Variants in GPC3 observed in about 807,000 individuals in gnomAD.
The protein encoded by GPC3 is glypican-3.
In GPC3, 3 loss-of-function variants were observed where a neutral mutation model predicts 34.4. That is an observed-to-expected ratio of 0.09 (90% CI 0.04 to 0.23). The LOEUF (loss-of-function observed/expected upper bound fraction) is 0.23. Among genes scored for constraint, GPC3 ranks in the 10% least tolerant of loss-of-function variants. The pLI, the probability that GPC3 is intolerant of heterozygous loss-of-function variation, is 1.00. For missense variants in GPC3, 351 were observed against 445.6 expected, an observed-to-expected ratio of 0.79 and a Z score of 1.91; for synonymous variants, 177 against 174.0, an observed-to-expected ratio of 1.02 and a Z score of -0.13.
chrX:133,773,772 G>A (rs779235368), intron 2 of GPC3, among the ~76,000 whole-genome samples: 1 of 111,568 alleles, frequency 9.0e-6, no homozygotes, highest in African/African-American at 3.3e-5. Context: ...TCTCTGCTTT[G>A]ATGAGTAATT....
At chrX:133,569,896 GTT>G (rs11396937) in intron 7 of GPC3, among the ~76,000 whole-genome samples, 6,466 of 102,172 alleles carry the variant, frequency 0.063, 548 homozygotes, top group African/African-American at 0.22. Context: ...AAAAGAATGG[GTT>G]TTTTTTTTTT....
At chrX:133,709,141 T>C (rs2071244268) in intron 3 of GPC3, among the ~76,000 whole-genome samples, 1 of 112,223 alleles carries the variant, frequency 8.9e-6, no homozygotes, top group Non-Finnish European at 1.9e-5. Context: ...GTTATTATAA[T>C]GTCTCGAATT....
At chrX:133,678,264 C>A (rs2070904233) in intron 5 of GPC3, among the ~76,000 whole-genome samples, 1 of 111,993 alleles carries the variant, frequency 8.9e-6, no homozygotes, top group African/African-American at 3.2e-5. Flanking sequence ...AGCCACTTTA[C>A]TGTCTCAGTC....
chrX:133,584,929 C>CCAAAAAAAAAAAAAAA (rs2069771892), intron 7 of GPC3, among the ~76,000 whole-genome samples: 1 of 25,226 alleles, frequency 4.0e-5, no homozygotes, highest in Non-Finnish European at 1.3e-4. Flanking sequence ...TTATAAAAAG[C>CCAAAAAAAAAAAAAAA]CAAAAAAAAA....
At chrX:133,614,668 A>C (rs1399615749) in intron 6 of GPC3, among the ~76,000 whole-genome samples, 2 of 112,026 alleles carry the variant, frequency 1.8e-5, no homozygotes, top group Non-Finnish European at 3.8e-5. Context: ...AGGAAGAAAT[A>C]AAGTATATTA....
chrX:133,684,370 G>A (rs928296070), intron 5 of GPC3, among the ~76,000 whole-genome samples: 6 of 111,254 alleles, frequency 5.4e-5, no homozygotes, highest in Non-Finnish European at 9.4e-5. Flanking sequence ...TCCAATATAG[G>A]GGCAAAGGAA....
intron 3 of GPC3, among the ~76,000 whole-genome samples, chrX:133,733,291 G>A (rs1256761951): frequency 9.1e-6 from 1 of 110,469 alleles, no homozygotes; most frequent in Non-Finnish European, 1.9e-5. Flanking sequence ...TCAGAAGGGG[G>A]AGGGTGAAAG....
intron 2 of GPC3, among the ~76,000 whole-genome samples, chrX:133,771,272 A>G (rs928009253): frequency 1.8e-5 from 2 of 112,991 alleles, no homozygotes; most frequent in African/African-American, 6.4e-5. Flanking sequence ...AAAATGGTCC[A>G]TTGCTGTAAT....
chrX:133,837,754 A>T (rs1476386129), intron 2 of GPC3, among the ~76,000 whole-genome samples: 1 of 111,891 alleles, frequency 8.9e-6, no homozygotes, highest in African/African-American at 3.2e-5. Context: ...TCTCAGACCA[A>T]ATACCAAGAA....
At chrX:133,604,724 C>A (rs909848533) in intron 6 of GPC3, among the ~76,000 whole-genome samples, 3 of 111,927 alleles carry the variant, frequency 2.7e-5, no homozygotes, top group African/African-American at 9.7e-5. Flanking sequence ...TGGCTACTCA[C>A]ATACTTTCTG....
chrX:133,767,727 A>G (rs2071864786), intron 2 of GPC3, among the ~76,000 whole-genome samples: 1 of 110,731 alleles, frequency 9.0e-6, no homozygotes, highest in Non-Finnish European at 1.9e-5. Context: ...ACAGGAAGGT[A>G]ACCACCACCA....
chrX:133,743,435 T>A (rs144198835), intron 3 of GPC3, among the ~76,000 whole-genome samples: 13 of 112,571 alleles, frequency 1.2e-4, no homozygotes, highest in South Asian at 7.3e-4. Context: ...AACAGTCAAG[T>A]TAGAAAACAT....
chrX:133,674,676 T>C (rs2070865557), intron 5 of GPC3, among the ~76,000 whole-genome samples: 1 of 111,566 alleles, frequency 9.0e-6, no homozygotes, highest in Non-Finnish European at 1.9e-5. Flanking sequence ...GTTTCCTGAG[T>C]GACCAGCTTT....
At chrX:133,881,729 G>A (rs1309746563) in intron 2 of GPC3, among the ~76,000 whole-genome samples, 1 of 112,012 alleles carries the variant, frequency 8.9e-6, no homozygotes, top group East Asian at 2.8e-4. Flanking sequence ...GGGACAATAT[G>A]CTGTAAACTC....
intron 7 of GPC3, among the ~76,000 whole-genome samples, chrX:133,590,937 G>A (rs1481433907): frequency 8.9e-6 from 1 of 111,922 alleles, no homozygotes; most frequent in African/African-American, 3.3e-5. Context: ...AGACTTGTGT[G>A]TACACTCCCT....
At chrX:133,661,644 T>C (rs868793598) in intron 6 of GPC3, 86 bp downstream of exon 6, 30 of 40,296 alleles carry the variant, frequency 7.4e-4, no homozygotes, top group East Asian at 1.0e-3. Context: ...CCCCCCCCCC[T>C]CTCTCTCCCC....
intron 5 of GPC3, among the ~76,000 whole-genome samples, chrX:133,675,625 C>T (rs1474000123): frequency 8.9e-6 from 1 of 111,916 alleles, no homozygotes; most frequent in Non-Finnish European, 1.9e-5. Flanking sequence ...AGACTCTAAG[C>T]TACTCTGCCT....
At chrX:133,677,166 C>T (rs1016610388) in intron 5 of GPC3, among the ~76,000 whole-genome samples, 2 of 111,690 alleles carry the variant, frequency 1.8e-5, no homozygotes, top group Non-Finnish European at 3.8e-5. Context: ...CATTAGAAAT[C>T]GAGAACAACT....
At chrX:133,713,744 T>C (rs1247012251) in intron 3 of GPC3, among the ~76,000 whole-genome samples, 1 of 112,418 alleles carries the variant, frequency 8.9e-6, no homozygotes, top group African/African-American at 3.2e-5. Context: ...ACAGTGTTCA[T>C]AGCCAATGAT....
Sources: gnomAD v4.1 joint callset for allele counts (sites outside exome capture counted in the v4.1 genomes callset) on GRCh38, gnomAD v4.1.1 for gene constraint, MANE v1.5 for transcripts, NCBI Gene and HGNC (gene_info 2026-07-23, HGNC 2026-07-21) for gene names.